GRIP1: variants seen among roughly 807,000 people sequenced by gnomAD.
GRIP1 encodes the protein glutamate receptor interacting protein 1.
A neutral mutation model predicts 129.9 loss-of-function variants in GRIP1; 45 were observed. That is an observed-to-expected ratio of 0.35 (90% confidence interval 0.27 to 0.44). GRIP1 has a LOEUF of 0.44. GRIP1 is among the 20% of genes least tolerant of loss of function. GRIP1 has a pLI of 1.00. For synonymous variants in GRIP1, 530 were observed against 520.8 expected (o/e 1.02, Z -0.24); for missense variants, 1,196 against 1,396.8 (o/e 0.86, Z 2.29).
At chr12:66,816,926 TATAAC>T (rs1378284981) in intron 1 of GRIP1, among the ~76,000 whole-genome samples, 2 of 152,134 alleles carry the variant, frequency 1.3e-5, no homozygotes, top group Non-Finnish European at 2.9e-5. Context: ...CTGTGGGGTT[TATAAC>T]ATTTTAACCT....
chr12:66,860,828 T>C (rs2040098779), intron 1 of GRIP1, among the ~76,000 whole-genome samples: 1 of 152,098 alleles, frequency 6.6e-6, no homozygotes, highest in Non-Finnish European at 1.5e-5. Context: ...AGACCCATGC[T>C]TCCAGAACCA....
chr12:66,457,541 A>T (rs1430971599), intron 9 of GRIP1, among the ~76,000 whole-genome samples: 1 of 152,182 alleles, frequency 6.6e-6, no homozygotes, highest in Non-Finnish European at 1.5e-5. Flanking sequence ...TTAAGGCATG[A>T]GCCACCATGC....
At chr12:67,011,986 T>C (rs189202950) in intron 1 of GRIP1, among the ~76,000 whole-genome samples, 72 of 152,292 alleles carry the variant, frequency 4.7e-4, no homozygotes, top group Non-Finnish European at 8.1e-4. Flanking sequence ...AGTCTACAGA[T>C]CTCTGTACTA....
At chr12:66,893,337 T>G (rs1221599581) in intron 1 of GRIP1, among the ~76,000 whole-genome samples, 1 of 152,162 alleles carries the variant, frequency 6.6e-6, no homozygotes, top group African/African-American at 2.4e-5. Context: ...CCTCCCAGGC[T>G]CAAGAGATCC....
At chr12:66,966,009 ACT>A (rs576183606) in intron 1 of GRIP1, among the ~76,000 whole-genome samples, 19 of 152,124 alleles carry the variant, frequency 1.2e-4, no homozygotes, top group Non-Finnish European at 2.2e-4. Context: ...TCCATTTGTG[ACT>A]CTATGTATTT....
intron 7 of GRIP1, among the ~76,000 whole-genome samples, chr12:66,495,052 T>C (rs778794610): frequency 6.6e-5 from 10 of 152,230 alleles, no homozygotes; most frequent in Non-Finnish European, 1.0e-4. Context: ...ACAAACTGCA[T>C]AAATTAATGT....
intron 1 of GRIP1, among the ~76,000 whole-genome samples, chr12:66,721,065 T>C (rs968718018): frequency 6.6e-6 from 1 of 152,164 alleles, no homozygotes; most frequent in African/African-American, 2.4e-5. Flanking sequence ...TACTCCCTGA[T>C]CCATGGGCTA....
intron 1 of GRIP1, among the ~76,000 whole-genome samples, chr12:66,605,028 T>C (rs1434678008): frequency 6.8e-6 from 1 of 146,900 alleles, no homozygotes; most frequent in African/African-American, 2.6e-5. Context: ...TTTTAACTAA[T>C]GAATATGAAA....
chr12:66,878,275 G>C (rs181751145), intron 1 of GRIP1, among the ~76,000 whole-genome samples: 5 of 152,166 alleles, frequency 3.3e-5, no homozygotes, highest in African/African-American at 4.8e-5. Context: ...AGTTATAAGA[G>C]AGATAGTAAG....
intron 1 of GRIP1, among the ~76,000 whole-genome samples, chr12:66,798,205 A>C (rs1190757230): frequency 6.6e-6 from 1 of 152,118 alleles, no homozygotes; most frequent in Admixed American, 6.6e-5. Context: ...AGAAATAAAA[A>C]TTACCACATG....
At chr12:67,020,479 C>T (rs551509986) in intron 1 of GRIP1, among the ~76,000 whole-genome samples, 1 of 152,300 alleles carries the variant, frequency 6.6e-6, no homozygotes, top group Non-Finnish European at 1.5e-5. Context: ...ACAATCATAG[C>T]TCACTGCAGT....
upstream of GRIP1, among the ~76,000 whole-genome samples, chr12:66,680,508 A>G (rs2034542598): frequency 6.6e-6 from 1 of 152,236 alleles, no homozygotes; most frequent in African/African-American, 2.4e-5. Flanking sequence ...ACTATATTAA[A>G]TGGACTGCAG....
intron 1 of GRIP1, among the ~76,000 whole-genome samples, chr12:67,057,273 G>A (rs908271537): frequency 6.6e-6 from 1 of 151,906 alleles, no homozygotes; most frequent in Non-Finnish European, 1.5e-5. Context: ...CTTATAAGAA[G>A]AGACACCAGA....
At chr12:66,905,202 C>T (rs78852803) in intron 1 of GRIP1, among the ~76,000 whole-genome samples, 2,074 of 152,268 alleles carry the variant, frequency 0.014, 53 homozygotes, top group African/African-American at 0.047. Context: ...GTTCAAATTG[C>T]CCCATCCAGT....
In GRIP1 at chr12:66,860,035, T is replaced by C. The variant is rs190152508; in HGVS notation, c.58+209015A>G. Among the ~76,000 whole-genome samples the C allele has an allele frequency of 1.6e-3, 250 of 152,234 alleles. 2 individuals are homozygous for C. The highest frequency in any genetic ancestry group is 4.8e-3 in the African/African-American group (201 of 41,564). On this transcript the variant is annotated intron_variant, in intron 1 of 1. Coordinates refer to the GRIP1 transcript ENST00000643019. ...AGATATAAGTGATCATCACCTTCAG[T>C]CAGGAAGTCACCTTAAGTGCTTAAC...
chr12:66,699,236 G>T (rs1047313676), intron 1 of GRIP1, among the ~76,000 whole-genome samples: 3 of 152,168 alleles, frequency 2.0e-5, no homozygotes, highest in African/African-American at 7.2e-5. Flanking sequence ...AAGCAAAAAT[G>T]CAGTAAGTTA....
chr12:66,840,590 C>G (rs2039698270), intron 1 of GRIP1, among the ~76,000 whole-genome samples: 1 of 152,170 alleles, frequency 6.6e-6, no homozygotes, highest in Non-Finnish European at 1.5e-5. Context: ...TGTTATTATT[C>G]ACCTTATAAA....
intron 3 of GRIP1, among the ~76,000 whole-genome samples, chr12:66,541,018 T>C (rs941105167): frequency 1.3e-5 from 2 of 152,150 alleles, no homozygotes; most frequent in African/African-American, 4.8e-5. Context: ...TTTCACCATG[T>C]TGGTCAAGCT....
At chr12:66,364,954 A>T (rs1168342) in intron 23 of GRIP1, among the ~76,000 whole-genome samples, 74,006 of 151,754 alleles carry the variant, frequency 0.49, 18,467 homozygotes, top group East Asian at 0.58. Context: ...GGGCGTGTCC[A>T]TAACCTTGGC....
Sources: allele counts gnomAD v4.1 joint callset (sites outside exome capture counted in the v4.1 genomes callset), GRCh38; gene constraint gnomAD v4.1.1; transcripts MANE v1.5; gene names NCBI Gene and HGNC (gene_info 2026-07-23, HGNC 2026-07-21).